Variants in FGF12 observed in about 807,000 individuals in gnomAD.
FGF12 encodes the protein fibroblast growth factor 12B.
FGF12 carries 14 observed loss-of-function variants against 23.6 expected under a neutral mutation model. The observed-to-expected ratio is 0.59, with a 90% confidence interval of 0.39 to 0.93. FGF12 has a LOEUF of 0.93. Among genes scored for constraint, FGF12 ranks in the 40% least tolerant of loss-of-function variants. The pLI, the probability that FGF12 is intolerant of heterozygous loss-of-function variation, is 0.00. For missense variants in FGF12, 175 were observed against 217.8 expected (o/e 0.80, Z 1.24); for synonymous variants, 62 against 77.3 (o/e 0.80, Z 1.04).
chr3:192,487,515 C>T (rs1577013294), intron 2 of FGF12, among the ~76,000 whole-genome samples: 1 of 152,098 alleles, frequency 6.6e-6, no homozygotes, highest in East Asian at 1.9e-4. Context: ...TTCGATCATG[C>T]TTGTTTCTGA....
At chr3:192,268,961 C>G (rs1039844004) in intron 4 of FGF12, among the ~76,000 whole-genome samples, 6 of 152,034 alleles carry the variant, frequency 3.9e-5, no homozygotes, top group African/African-American at 1.4e-4. Context: ...GTCACCCAGG[C>G]TGGAGTGCAG....
At chr3:192,424,239 A>G (rs541640132) in intron 2 of FGF12, among the ~76,000 whole-genome samples, 2 of 152,308 alleles carry the variant, frequency 1.3e-5, no homozygotes, top group East Asian at 3.9e-4. Context: ...AATTTCTCAC[A>G]CTGGTTTATT....
intron 2 of FGF12, among the ~76,000 whole-genome samples, chr3:192,581,335 G>A (rs781423): frequency 0.22 from 33,971 of 151,476 alleles, 4,606 homozygotes; most frequent in East Asian, 0.34. Flanking sequence ...GGAGGCTGAG[G>A]CAGGAGGATG....
At chr3:192,206,752 C>T (rs1717668890) in intron 4 of FGF12, among the ~76,000 whole-genome samples, 3 of 152,132 alleles carry the variant, frequency 2.0e-5, no homozygotes, top group Admixed American at 2.0e-4. Flanking sequence ...AGTTGCCTTG[C>T]TGTCATTGAA....
intron 2 of FGF12, among the ~76,000 whole-genome samples, chr3:192,464,673 G>A (rs1187448365): frequency 6.6e-6 from 1 of 152,140 alleles, no homozygotes; most frequent in African/African-American, 2.4e-5. Context: ...TTTCCTCTGA[G>A]TAGATACCTA....
chr3:192,478,772 G>A (rs575908369), intron 2 of FGF12, among the ~76,000 whole-genome samples: 2 of 152,254 alleles, frequency 1.3e-5, no homozygotes, highest in East Asian at 3.9e-4. Context: ...GTATTTAATT[G>A]GTCTTCAGAA....
intron 2 of FGF12, among the ~76,000 whole-genome samples, chr3:192,665,200 A>G (rs13068049): frequency 0.11 from 16,744 of 152,230 alleles, 1,064 homozygotes; most frequent in Middle Eastern, 0.2. Flanking sequence ...TGGGTAGAGA[A>G]TAAAAAAATA....
At chr3:192,305,588 A>G (rs1715580419) in intron 4 of FGF12, among the ~76,000 whole-genome samples, 1 of 151,180 alleles carries the variant, frequency 6.6e-6, no homozygotes, top group African/African-American at 2.4e-5. Context: ...AAGAAATAAA[A>G]GTCTTAAATA....
chr3:192,573,887 T>C (rs764362886), intron 2 of FGF12, among the ~76,000 whole-genome samples: 1 of 152,198 alleles, frequency 6.6e-6, no homozygotes, highest in Non-Finnish European at 1.5e-5. Flanking sequence ...TCAGCAAGTG[T>C]CATTTAGTCT....
In FGF12 at chr3:192,233,359, C is replaced by T. The variant is rs139658986; in HGVS notation, c.229-62703G>A. ...GCCATGTGAATGTCTTCTTTGGAAA[C>T]GTGTCCATTTGTGTCCTTTGCCTAT... On this transcript the variant is annotated intron_variant, in intron 4 of 5. Transcript: ENST00000445105. 2.9e-4 allele frequency among the ~76,000 whole-genome samples: 44 copies of T among 152,130 alleles called. No individual in the cohort carries two copies. The East Asian group carries it at 3.3e-3, about 11-fold the overall frequency.
At chr3:192,643,181 T>C (rs765564892) in intron 2 of FGF12, among the ~76,000 whole-genome samples, 24 of 152,228 alleles carry the variant, frequency 1.6e-4, no homozygotes, top group Non-Finnish European at 3.5e-4. Flanking sequence ...CAGTGGTGGA[T>C]CATTTAGAAT....
intron 4 of FGF12, among the ~76,000 whole-genome samples, chr3:192,182,312 A>T (rs1577211103): frequency 1.3e-5 from 2 of 152,240 alleles, no homozygotes. Context: ...ATTCTGGGTC[A>T]AGTACAATTA....
At chr3:192,503,075 T>G (rs1724181215) in intron 2 of FGF12, among the ~76,000 whole-genome samples, 1 of 152,214 alleles carries the variant, frequency 6.6e-6, no homozygotes. Flanking sequence ...AGTTGGTGGA[T>G]ATGTCAAATA....
intron 2 of FGF12, among the ~76,000 whole-genome samples, chr3:192,573,021 G>A (rs1407199066): frequency 1.3e-5 from 2 of 152,104 alleles, no homozygotes; most frequent in African/African-American, 4.8e-5. Flanking sequence ...ATTCGGAAAA[G>A]GTATTTTCTT....
chr3:192,210,810 G>T, intron 4 of FGF12, among the ~76,000 whole-genome samples: 1 of 152,156 alleles, frequency 6.6e-6, no homozygotes, highest in Non-Finnish European at 1.5e-5. Flanking sequence ...ATAAATGGGG[G>T]TAAGGTGTTG....
intron 2 of FGF12, among the ~76,000 whole-genome samples, chr3:192,473,366 C>T (rs928187113): frequency 6.6e-6 from 1 of 152,110 alleles, no homozygotes; most frequent in Non-Finnish European, 1.5e-5. Flanking sequence ...ACTTGCCATC[C>T]CTTATCATGA....
At chr3:192,506,347 C>CT (rs1228018542) in intron 2 of FGF12, among the ~76,000 whole-genome samples, 2 of 152,118 alleles carry the variant, frequency 1.3e-5, no homozygotes, top group Non-Finnish European at 2.9e-5. Flanking sequence ...ATAGTTTATT[C>CT]TTTTTTTGTT....
chr3:192,590,051 A>T (rs1713556039), intron 2 of FGF12, among the ~76,000 whole-genome samples: 1 of 151,804 alleles, frequency 6.6e-6, no homozygotes, highest in Admixed American at 6.6e-5. Context: ...CTCAAGGGCC[A>T]CTGGACTCTG....
intron 2 of FGF12, among the ~76,000 whole-genome samples, chr3:192,444,150 T>C (rs1722283107): frequency 6.6e-6 from 1 of 152,162 alleles, no homozygotes; most frequent in Non-Finnish European, 1.5e-5. Context: ...CGCCTTGAGT[T>C]CCGTAGCCAA....
Sources: allele counts gnomAD v4.1 joint callset (sites outside exome capture counted in the v4.1 genomes callset), GRCh38; gene constraint gnomAD v4.1.1; transcripts MANE v1.5; gene names NCBI Gene and HGNC (gene_info 2026-07-23, HGNC 2026-07-21).